TFEC: variants seen among roughly 807,000 people sequenced by gnomAD.
TFEC encodes the protein transcription factor EC.
A neutral mutation model predicts 41.6 loss-of-function variants in TFEC; 31 were observed. That is an observed-to-expected ratio of 0.74 (90% CI 0.56 to 1.01). The LOEUF (loss-of-function observed/expected upper bound fraction) is 1.01. Ranked by LOEUF, TFEC falls within the 50% of genes least tolerant of loss-of-function variation. The probability of loss-of-function intolerance (pLI) is 0.00; values close to 1 mark genes in which losing one functional copy is unlikely to be tolerated. For synonymous variants in TFEC, 143 were observed against 140.6 expected (o/e 1.02, Z -0.12); for missense variants, 402 against 404.1 (o/e 0.99, Z 0.04).
Position 116,110,354 on chromosome 7 carries a change from T to C in TFEC, c.198+354A>G, listed in dbSNP as rs186892959. On this transcript the variant is annotated intron_variant, in intron 3 of 8. Coordinates refer to the TFEC transcript ENST00000484212. The stretch of plus-strand genomic sequence containing the variant: ...GGCATACTACAATGATTGATTCAAA[T>C]AGCAAAATGAGATGATATAAAACTT... 7.3e-4 allele frequency among the ~76,000 whole-genome samples: 111 copies of C among 152,214 alleles called. 1 individual carries two copies. Among genetic ancestry groups the C allele is most frequent in the Non-Finnish European group, 1.3e-3 (86 of 67,992 alleles).
chr7:116,035,279 A>T (rs1423656737), upstream of TFEC, among the ~76,000 whole-genome samples: 4 of 151,894 alleles, frequency 2.6e-5, no homozygotes, highest in Admixed American at 1.3e-4. Context: ...CTTTACCATA[A>T]TACATTCTCA....
rs573541906 is a variant in TFEC, at chr7:116,017,517, G to A, written c.-73+13116C>T. 3.1e-4 allele frequency among the ~76,000 whole-genome samples: 47 copies of A among 152,096 alleles called. No individual in the cohort carries two copies. In the South Asian group the frequency reaches 3.3e-3, roughly 11 times the overall value. On this transcript the variant is annotated intron_variant, in intron 1 of 7. Transcript: ENST00000265440. Reference sequence around the variant, plus strand: ...ATTACAGGCATGAGCCACCACACCCGGCACTTTCCATTTTATCTAGAATGA... The same window carrying A: ...ATTACAGGCATGAGCCACCACACCCAGCACTTTCCATTTTATCTAGAATGA...
At chr7:115,958,109 G>T (rs1031606261) in intron 3 of TFEC, among the ~76,000 whole-genome samples, 1 of 151,524 alleles carries the variant, frequency 6.6e-6, no homozygotes, top group Admixed American at 6.6e-5. Flanking sequence ...AAACTTAATT[G>T]TAAGAGAATT....
chr7:116,124,385 G>A (rs1368472601), intron 1 of TFEC, among the ~76,000 whole-genome samples: 1 of 152,084 alleles, frequency 6.6e-6, no homozygotes, highest in African/African-American at 2.4e-5. Flanking sequence ...TCTGCTCCAG[G>A]GATGTGAATT....
At chr7:115,978,952 A>G (rs775676479) in intron 2 of TFEC, among the ~76,000 whole-genome samples, 20 of 152,148 alleles carry the variant, frequency 1.3e-4, no homozygotes, top group Non-Finnish European at 2.1e-4. Context: ...TTCTCATTCA[A>G]GATTTCAAAG....
chr7:116,118,852 A>T (rs1798049455), intron 1 of TFEC, among the ~76,000 whole-genome samples: 1 of 151,846 alleles, frequency 6.6e-6, no homozygotes, highest in Admixed American at 6.6e-5. Flanking sequence ...ATAATGACAC[A>T]AATAGCTATG....
At chr7:115,978,556 T>G (rs1398083953) in intron 2 of TFEC, among the ~76,000 whole-genome samples, 1 of 152,172 alleles carries the variant, frequency 6.6e-6, no homozygotes, top group Non-Finnish European at 1.5e-5. Flanking sequence ...CTCTGTTACC[T>G]TTCTGTCCAA....
intron 3 of TFEC, among the ~76,000 whole-genome samples, chr7:116,105,692 T>C (rs559479288): frequency 2.9e-4 from 44 of 152,126 alleles, no homozygotes; most frequent in African/African-American, 9.4e-4. Context: ...GAAAGAAGCA[T>C]CTCGGAGGTA....
rs113490207 is a variant in TFEC, at chr7:116,017,699, A to G, written c.-73+12934T>C. Among the ~76,000 whole-genome samples the G allele has an allele frequency of 4.6e-3, 693 of 152,150 alleles. 1 individual carries two copies. Among genetic ancestry groups the G allele is most frequent in the Non-Finnish European group, 7.6e-3 (514 of 67,998 alleles). ...GCAATAAGACAAACACTATCCCCCA[A>G]TACAGCTTCCATTTATGCTTTTCCC... On this transcript the variant is annotated intron_variant, in intron 1 of 7. Transcript: ENST00000265440.
In TFEC at chr7:115,936,250, T is replaced by C. The variant is rs190116797; in HGVS notation, c.*4301A>G. 140 of 151,724 alleles carry C rather than the reference T, an allele frequency of 9.2e-4. No homozygotes were observed. Among genetic ancestry groups the C allele is most frequent in the African/African-American group, 3.0e-3 (125 of 41,534 alleles). 9.4% of individuals were successfully genotyped at this position (151,724 alleles called of 1,614,324 possible). A position where few individuals can be genotyped will look rare whatever the true frequency, so the allele number is the denominator to read the frequency against. On this transcript the variant is annotated 3_prime_UTR_variant, in exon 8 of 8. Transcript: ENST00000265440. ...TTTATTAGGTAAATGTAATGAAATCTCTGTATATATGTATACTAAGTCAAA... is the reference window on the plus strand; with the variant it reads ...TTTATTAGGTAAATGTAATGAAATCCCTGTATATATGTATACTAAGTCAAA...
chr7:115,950,572 A>T (rs1233296400), intron 6 of TFEC, among the ~76,000 whole-genome samples: 2 of 152,148 alleles, frequency 1.3e-5, no homozygotes, highest in Non-Finnish European at 2.9e-5. Flanking sequence ...CATCATAAGT[A>T]GTATTTGACA....
chr7:115,954,469 CA>C (rs1164575834), intron 5 of TFEC, 116 bp downstream of exon 5: 2 of 621,200 alleles, frequency 3.2e-6, no homozygotes, highest in Non-Finnish European at 2.6e-6. Flanking sequence ...GTTATATGTG[CA>C]ATTAATTTTG....
intron 1 of TFEC, among the ~76,000 whole-genome samples, chr7:115,999,211 T>C (rs185704858): frequency 6.7e-4 from 102 of 151,932 alleles, no homozygotes; most frequent in African/African-American, 2.4e-3. Context: ...CACAAACACA[T>C]GGAAATATAA....
At chr7:116,055,310 T>G (rs1796401182) in intron 3 of TFEC, among the ~76,000 whole-genome samples, 1 of 152,108 alleles carries the variant, frequency 6.6e-6, no homozygotes, top group African/African-American at 2.4e-5. Flanking sequence ...ACCAATACTG[T>G]AAAAAGATCT....
chr7:116,152,227 A>C (rs1184099457), intron 1 of TFEC, among the ~76,000 whole-genome samples: 1 of 152,212 alleles, frequency 6.6e-6, no homozygotes, highest in Non-Finnish European at 1.5e-5. Context: ...AAGAAAACAT[A>C]TGAAACAATT....
chr7:116,012,351 T>C (rs1371149678), intron 1 of TFEC, among the ~76,000 whole-genome samples: 1 of 152,196 alleles, frequency 6.6e-6, no homozygotes. Flanking sequence ...ACTTTTAAGT[T>C]AAAACAAAGC....
chr7:116,037,450 ATGCTACT>A (rs1365341333), intron 3 of TFEC, among the ~76,000 whole-genome samples: 1 of 152,040 alleles, frequency 6.6e-6, no homozygotes, highest in Admixed American at 6.6e-5. Context: ...TGGATTTTTT[ATGCTACT>A]CATTGATCAG....
At chr7:115,997,288 C>G (rs761718220) in intron 1 of TFEC, among the ~76,000 whole-genome samples, 1 of 152,078 alleles carries the variant, frequency 6.6e-6, no homozygotes, top group Non-Finnish European at 1.5e-5. Context: ...AACAAGAGTC[C>G]GTGCCAGACA....
intron 3 of TFEC, among the ~76,000 whole-genome samples, chr7:116,085,475 AACGGG>A (rs1797182789): frequency 6.6e-6 from 1 of 151,842 alleles, no homozygotes; most frequent in Admixed American, 6.6e-5. Flanking sequence ...AAATTTATAG[AACGGG>A]TTTGACCAAA....
Sources: allele counts gnomAD v4.1 joint callset (sites outside exome capture counted in the v4.1 genomes callset), GRCh38; gene constraint gnomAD v4.1.1; transcripts MANE v1.5; gene names NCBI Gene and HGNC (gene_info 2026-07-23, HGNC 2026-07-21).